TMEM170B: variants seen among roughly 807,000 people sequenced by gnomAD.
TMEM170B encodes the protein transmembrane protein 170B.
In TMEM170B, 6 loss-of-function variants were observed where a neutral mutation model predicts 13.0. The ratio of observed to expected loss-of-function variants is 0.46; its 90% CI spans 0.25 to 0.91. The LOEUF (loss-of-function observed/expected upper bound fraction) is 0.91, where lower values mean the gene tolerates loss of function less well. TMEM170B is among the 40% of genes least tolerant of loss of function. The probability of loss-of-function intolerance (pLI) is 0.17; values close to 1 mark genes in which losing one functional copy is unlikely to be tolerated. For synonymous variants in TMEM170B, 61 were observed against 64.9 expected (o/e 0.94, Z 0.29); for missense variants, 138 against 165.2 (o/e 0.84, Z 0.90).
rs549199078 is a variant in TMEM170B, at chr6:11,579,097, A to G, written c.*3536A>G. ...ATTTTTAAATCCTAAAAAGTTTGGG[A>G]CAACATTTTGCTTCCTGATTTTAGT... On this transcript the variant is annotated 3_prime_UTR_variant, in exon 3 of 3. Coordinates refer to ENST00000379426, the MANE Select transcript of TMEM170B (RefSeq NM_001100829.3). The G allele has an allele frequency of 1.4e-4, 22 of 152,222 alleles. No individual in the cohort carries two copies. Among genetic ancestry groups the G allele is most frequent in the Non-Finnish European group, 2.8e-4 (19 of 68,034 alleles). The allele number at this position is 152,222 out of a possible 1,614,324, so 9.4% of individuals were successfully genotyped here.
At chr6:11,554,454 C>T (rs1759563184) in intron 1 of TMEM170B, among the ~76,000 whole-genome samples, 1 of 151,628 alleles carries the variant, frequency 6.6e-6, no homozygotes, top group Non-Finnish European at 1.5e-5. Flanking sequence ...ATTAATTACT[C>T]AGTTAATCAG....
chr6:11,556,877 C>G (rs115581528), intron 1 of TMEM170B, among the ~76,000 whole-genome samples: 334 of 152,218 alleles, frequency 2.2e-3, no homozygotes, highest in African/African-American at 7.5e-3. Flanking sequence ...TCGCAAGAAA[C>G]AAGATTTCTG....
chr6:11,552,512 A>G (rs1449060866), intron 1 of TMEM170B, among the ~76,000 whole-genome samples: 1 of 152,232 alleles, frequency 6.6e-6, no homozygotes, highest in African/African-American at 2.4e-5. Flanking sequence ...TTTGCAAACC[A>G]GGAAGAGACA....
intron 1 of TMEM170B, among the ~76,000 whole-genome samples, chr6:11,549,445 C>T (rs12208383): frequency 0.058 from 8,796 of 152,082 alleles, 272 homozygotes; most frequent in East Asian, 0.16. Context: ...GGGTGGATCA[C>T]GAGGTCAGGA....
intron 1 of TMEM170B, among the ~76,000 whole-genome samples, chr6:11,538,748 G>A (rs1759319633): frequency 6.6e-6 from 1 of 152,162 alleles, no homozygotes; most frequent in South Asian, 2.1e-4. Context: ...ATCGCTTCTT[G>A]CTATTTACAT....
intron 1 of TMEM170B, among the ~76,000 whole-genome samples, chr6:11,547,438 T>A (rs991298476): frequency 8.5e-5 from 13 of 152,202 alleles, no homozygotes; most frequent in African/African-American, 2.9e-4. Context: ...AATGTCTACT[T>A]AGAGTTATTT....
chr6:11,572,362 A>C, intron 2 of TMEM170B, among the ~76,000 whole-genome samples: 1 of 152,218 alleles, frequency 6.6e-6, no homozygotes, highest in East Asian at 1.9e-4. Flanking sequence ...AGCTGCATAC[A>C]AGGAATATAG....
intron 1 of TMEM170B, among the ~76,000 whole-genome samples, chr6:11,547,709 A>C (rs899970444): frequency 6.6e-6 from 1 of 152,070 alleles, no homozygotes; most frequent in South Asian, 2.1e-4. Flanking sequence ...ACCATTTGTC[A>C]TTAAGTTTTT....
intron 1 of TMEM170B, among the ~76,000 whole-genome samples, chr6:11,552,960 T>A (rs1759544126): frequency 6.6e-6 from 1 of 152,188 alleles, no homozygotes; most frequent in Non-Finnish European, 1.5e-5. Flanking sequence ...TAGCTCCTAT[T>A]GTCAGGGAGT....
chr6:11,539,615 C>T (rs1759333135), intron 1 of TMEM170B, among the ~76,000 whole-genome samples: 1 of 152,146 alleles, frequency 6.6e-6, no homozygotes, highest in Non-Finnish European at 1.5e-5. Flanking sequence ...CACTTTTAAG[C>T]TGTGGTTATT....
chr6:11,556,407 T>C (rs1219409789), intron 1 of TMEM170B, among the ~76,000 whole-genome samples: 1 of 152,146 alleles, frequency 6.6e-6, no homozygotes, highest in Non-Finnish European at 1.5e-5. Context: ...AATGCTCCAT[T>C]GTAGCTTTTA....
At chr6:11,551,181 G>T (rs1264376815) in intron 1 of TMEM170B, among the ~76,000 whole-genome samples, 1 of 152,042 alleles carries the variant, frequency 6.6e-6, no homozygotes, top group Admixed American at 6.6e-5. Context: ...TTCTCCATAG[G>T]GCTACTCACA....
chr6:11,544,577 G>A (rs966251205), intron 1 of TMEM170B, among the ~76,000 whole-genome samples: 8 of 152,078 alleles, frequency 5.3e-5, no homozygotes, highest in African/African-American at 1.9e-4. Context: ...TCATTATCTA[G>A]CCAGTTTTAG....
chr6:11,538,901 C>T (rs1236866896), intron 1 of TMEM170B, among the ~76,000 whole-genome samples: 1 of 152,174 alleles, frequency 6.6e-6, no homozygotes, highest in Non-Finnish European at 1.5e-5. Flanking sequence ...TATAGTGGGT[C>T]AGGGGCTGAG....
chr6:11,538,756 C>T (rs1289629681), intron 1 of TMEM170B, among the ~76,000 whole-genome samples: 1 of 152,252 alleles, frequency 6.6e-6, no homozygotes, highest in Non-Finnish European at 1.5e-5. Context: ...TTGCTATTTA[C>T]ATCTTTTTCT....
intron 2 of TMEM170B, among the ~76,000 whole-genome samples, chr6:11,569,288 A>T (rs940486723): frequency 2.0e-5 from 3 of 152,126 alleles, no homozygotes; most frequent in African/African-American, 7.2e-5. Context: ...CGGAGCAGAA[A>T]TCCTTAGTTT....
intron 1 of TMEM170B, 35 bp downstream of exon 1, chr6:11,538,409 G>A (rs1478032179): frequency 7.0e-6 from 10 of 1,421,502 alleles, no homozygotes; most frequent in Non-Finnish European, 9.4e-6. Context: ...ACGGGGATGC[G>A]GTCCGCCCCT....
intron 1 of TMEM170B, among the ~76,000 whole-genome samples, chr6:11,540,517 T>A (rs137911912): frequency 4.6e-5 from 7 of 152,342 alleles, no homozygotes; most frequent in African/African-American, 1.7e-4. Flanking sequence ...AGTCACATCT[T>A]CAGGCTCCAC....
intron 1 of TMEM170B, among the ~76,000 whole-genome samples, chr6:11,544,910 T>A (rs141903123): frequency 1.0e-3 from 155 of 152,340 alleles, no homozygotes; most frequent in South Asian, 1.7e-3. Context: ...ATATACAGTT[T>A]TTTAGGTAAC....
Sources: allele counts gnomAD v4.1 joint callset (sites outside exome capture counted in the v4.1 genomes callset), GRCh38; gene constraint gnomAD v4.1.1; transcripts MANE v1.5; gene names NCBI Gene and HGNC (gene_info 2026-07-23, HGNC 2026-07-21).